Variants in GRID2 observed in about 807,000 individuals in gnomAD.
GRID2 encodes glutamate ionotropic receptor delta type subunit 2, also known as glutamate receptor ionotropic, delta-2.
Under a neutral mutation model 114.8 loss-of-function variants are expected in GRID2, and 33 were observed. The observed-to-expected ratio is 0.29, with a 90% CI of 0.22 to 0.38. The LOEUF is 0.38. Among genes scored for constraint, GRID2 ranks in the 10% least tolerant of loss-of-function variants. The probability of loss-of-function intolerance (pLI) is 1.00; values close to 1 mark genes in which losing one functional copy is unlikely to be tolerated. For synonymous variants in GRID2, 505 were observed against 449.9 expected (o/e 1.12, Z -1.55); for missense variants, 1,184 against 1,257.7 (o/e 0.94, Z 0.89).
chr4:93,042,861 C>T (rs1422963249), intron 2 of GRID2, among the ~76,000 whole-genome samples: 2 of 151,266 alleles, frequency 1.3e-5, no homozygotes, highest in Non-Finnish European at 2.9e-5. Flanking sequence ...AGATATTAGG[C>T]CAAGTAGCCA....
At chr4:93,784,604 T>G (rs1734554388) in intron 1 of GRID2, among the ~76,000 whole-genome samples, 1 of 151,126 alleles carries the variant, frequency 6.6e-6, no homozygotes, top group Non-Finnish European at 1.5e-5. Context: ...ATTTGTTGAT[T>G]TATTCAACAA....
chr4:93,359,232 A>G (rs145721359), intron 8 of GRID2, among the ~76,000 whole-genome samples: 1 of 152,074 alleles, frequency 6.6e-6, no homozygotes, highest in African/African-American at 2.4e-5. Flanking sequence ...AAGTTAAACC[A>G]TGCATGTGTC....
intron 2 of GRID2, among the ~76,000 whole-genome samples, chr4:92,698,286 T>C (rs1446732242): frequency 6.6e-6 from 1 of 152,116 alleles, no homozygotes; most frequent in African/African-American, 2.4e-5. Context: ...TTCACAGAAA[T>C]GGTAAAGAAG....
chr4:93,337,712 G>A (rs1470434260), intron 8 of GRID2, among the ~76,000 whole-genome samples: 1 of 152,076 alleles, frequency 6.6e-6, no homozygotes, highest in African/African-American at 2.4e-5. Context: ...AAATATGAGA[G>A]ACCAATGAAG....
chr4:93,265,505 A>G (rs1453735324), intron 8 of GRID2, among the ~76,000 whole-genome samples: 5 of 152,198 alleles, frequency 3.3e-5, no homozygotes, highest in African/African-American at 4.8e-5. Flanking sequence ...GAAATTACAT[A>G]TAATAAAACC....
chr4:92,492,750 C>T (rs1344399994), intron 1 of GRID2, among the ~76,000 whole-genome samples: 1 of 152,076 alleles, frequency 6.6e-6, no homozygotes. Context: ...GGAGTCATAT[C>T]TGAAATCCAC....
chr4:92,622,597 T>C (rs1381561977), intron 2 of GRID2, among the ~76,000 whole-genome samples: 1 of 151,642 alleles, frequency 6.6e-6, no homozygotes, highest in African/African-American at 2.4e-5. Flanking sequence ...AGTCCCTCAT[T>C]TTTAAAAAAG....
intron 2 of GRID2, among the ~76,000 whole-genome samples, chr4:92,674,061 C>A (rs564225987): frequency 6.6e-6 from 1 of 152,164 alleles, no homozygotes; most frequent in East Asian, 1.9e-4. Flanking sequence ...TTACAAGCTA[C>A]TTTATATTTG....
intron 14 of GRID2, among the ~76,000 whole-genome samples, chr4:93,744,927 C>T (rs1176694567): frequency 2.6e-5 from 4 of 152,192 alleles, no homozygotes; most frequent in African/African-American, 9.6e-5. Flanking sequence ...CAAGACTCTC[C>T]ACTAGCAAAA....
chr4:93,550,500 C>G (rs1733654883), intron 13 of GRID2, among the ~76,000 whole-genome samples: 1 of 152,160 alleles, frequency 6.6e-6, no homozygotes, highest in South Asian at 2.1e-4. Context: ...AAAAAGTCAT[C>G]CTTATAGATG....
At chr4:93,283,418 A>G (rs1752850355) in intron 8 of GRID2, among the ~76,000 whole-genome samples, 1 of 152,080 alleles carries the variant, frequency 6.6e-6, no homozygotes. Context: ...GCTCAAAATG[A>G]GTTACCAATG....
At chr4:92,416,322 A>G (rs1414875925) in intron 1 of GRID2, among the ~76,000 whole-genome samples, 1 of 152,106 alleles carries the variant, frequency 6.6e-6, no homozygotes, top group Non-Finnish European at 1.5e-5. Flanking sequence ...TCGGATGCAT[A>G]GTTTGCAAAT....
chr4:93,302,519 A>C (rs1754982984), intron 8 of GRID2: 1 of 453,474 alleles, frequency 2.2e-6, no homozygotes, highest in African/African-American at 2.0e-5. Context: ...TTTTCCACTT[A>C]TAATGTTTAA....
rs142445389 is a variant in GRID2 at position 93,780,277 on chromosome 4, G to C, written c.221+10827G>C. 4.8e-4 allele frequency among the ~76,000 whole-genome samples: 73 copies of C among 152,332 alleles called. No individual in the cohort carries two copies. The East Asian group carries it at 6.0e-3, about 12-fold the overall frequency. On this transcript the variant is annotated intron_variant, in intron 1 of 1. Coordinates refer to the GRID2 transcript ENST00000637838. Reference sequence around the variant, plus strand: ...GACTGAGGGAGTTAGCCATGTTGCTGTCTGGGGAAAACGCATTCCAGTCTT... The same window carrying C: ...GACTGAGGGAGTTAGCCATGTTGCTCTCTGGGGAAAACGCATTCCAGTCTT...
chr4:92,516,735 G>A (rs564763254), intron 1 of GRID2, among the ~76,000 whole-genome samples: 13 of 151,812 alleles, frequency 8.6e-5, no homozygotes, highest in East Asian at 3.9e-4. Flanking sequence ...GCCATGTTTC[G>A]GTTACTGTGC....
chr4:93,323,300 G>A (rs1223992096), intron 8 of GRID2, among the ~76,000 whole-genome samples: 1 of 152,148 alleles, frequency 6.6e-6, no homozygotes, highest in Non-Finnish European at 1.5e-5. Flanking sequence ...TTATTAAATA[G>A]GGAATCCTTT....
chr4:93,666,714 G>GAA (rs899135870), intron 14 of GRID2, among the ~76,000 whole-genome samples: 20 of 151,974 alleles, frequency 1.3e-4, no homozygotes, highest in African/African-American at 4.8e-4. Context: ...CCTCATTTGA[G>GAA]AAGTCTCTGG....
At chr4:93,079,609 T>C (rs1028055146) in intron 2 of GRID2, among the ~76,000 whole-genome samples, 4 of 152,060 alleles carry the variant, frequency 2.6e-5, no homozygotes, top group African/African-American at 9.7e-5. Flanking sequence ...AGTGGTATGA[T>C]GGACAATGCA....
chr4:92,847,752 T>C (rs1481438520), intron 2 of GRID2, among the ~76,000 whole-genome samples: 1 of 152,010 alleles, frequency 6.6e-6, no homozygotes, highest in African/African-American at 2.4e-5. Context: ...TGGAATGGAA[T>C]CAAATAAAAT....
Sources: allele counts gnomAD v4.1 joint callset (sites outside exome capture counted in the v4.1 genomes callset), GRCh38; gene constraint gnomAD v4.1.1; transcripts MANE v1.5; gene names NCBI Gene and HGNC (gene_info 2026-07-23, HGNC 2026-07-21).